Variants in SLC24A3 observed in about 807,000 individuals in gnomAD.
SLC24A3 encodes the protein solute carrier family 24 member 3.
In SLC24A3, 28 loss-of-function variants were observed where a neutral mutation model predicts 75.8. That is an observed-to-expected ratio of 0.37 (90% confidence interval 0.27 to 0.51). SLC24A3 has a LOEUF of 0.51. SLC24A3 is among the 20% of genes least tolerant of loss of function. The pLI is 0.94. For synonymous variants in SLC24A3, 372 were observed against 334.1 expected (o/e 1.11, Z -1.24); for missense variants, 663 against 847.8 (o/e 0.78, Z 2.71).
intron 2 of SLC24A3, among the ~76,000 whole-genome samples, chr20:19,474,297 C>T (rs1987925363): frequency 6.6e-6 from 1 of 152,176 alleles, no homozygotes; most frequent in Non-Finnish European, 1.5e-5. Flanking sequence ...CTTCCCTGTG[C>T]CTGGTATCCA....
intron 9 of SLC24A3, 39 bp downstream of exon 9, chr20:19,673,693 T>C: frequency 6.5e-7 from 1 of 1,544,444 alleles, no homozygotes; most frequent in Non-Finnish European, 9.0e-7. Flanking sequence ...AAACTGTTTC[T>C]TGCATTCCAC....
intron 3 of SLC24A3, among the ~76,000 whole-genome samples, chr20:19,542,323 C>T (rs999200020): frequency 3.9e-5 from 6 of 152,144 alleles, no homozygotes; most frequent in Non-Finnish European, 5.9e-5. Context: ...AGCTGCTGGT[C>T]GTCATTTTGA....
intron 12 of SLC24A3, among the ~76,000 whole-genome samples, chr20:19,687,031 T>C (rs2032684391): frequency 6.6e-6 from 1 of 152,224 alleles, no homozygotes; most frequent in Non-Finnish European, 1.5e-5. Context: ...TGTTGCTGCA[T>C]AACAAAATGC....
chr20:19,408,406 T>C (rs905209259), intron 2 of SLC24A3, among the ~76,000 whole-genome samples: 49 of 151,816 alleles, frequency 3.2e-4, no homozygotes, highest in African/African-American at 1.2e-3. Context: ...TTTTTTTTTT[T>C]TGAGACAGAG....
chr20:19,603,026 G>A (rs1278658973), intron 6 of SLC24A3, among the ~76,000 whole-genome samples: 1 of 152,198 alleles, frequency 6.6e-6, no homozygotes, highest in African/African-American at 2.4e-5. Flanking sequence ...AAACAAGTCA[G>A]GGTTTCAGTC....
intron 2 of SLC24A3, among the ~76,000 whole-genome samples, chr20:19,508,817 C>G (rs1009727491): frequency 2.0e-5 from 3 of 152,258 alleles, no homozygotes; most frequent in African/African-American, 7.2e-5. Flanking sequence ...CTGCTCCGTT[C>G]TCCCTGCATA....
chr20:19,361,786 A>T (rs1453087980), intron 2 of SLC24A3, among the ~76,000 whole-genome samples: 1 of 152,206 alleles, frequency 6.6e-6, no homozygotes, highest in African/African-American at 2.4e-5. Context: ...TTTGTGAAAA[A>T]ACAAGTATTT....
At chr20:19,454,882 T>A (rs1172465753) in intron 2 of SLC24A3, among the ~76,000 whole-genome samples, 3 of 152,266 alleles carry the variant, frequency 2.0e-5, no homozygotes, top group Admixed American at 2.0e-4. Flanking sequence ...TATTTTCTAG[T>A]TTTCATCAGT....
intron 3 of SLC24A3, among the ~76,000 whole-genome samples, chr20:19,567,136 G>A (rs921222319): frequency 2.6e-5 from 4 of 152,152 alleles, no homozygotes; most frequent in Non-Finnish European, 4.4e-5. Flanking sequence ...CTTATCATTC[G>A]ACCTAGCAAT....
chr20:19,692,537 TTTGAAG>T (rs1221663959), intron 12 of SLC24A3, among the ~76,000 whole-genome samples: 2 of 152,180 alleles, frequency 1.3e-5, no homozygotes, highest in African/African-American at 4.8e-5. Flanking sequence ...TATGGTTTTA[TTTGAAG>T]TTGGAGAACA....
At chr20:19,586,589 G>A (rs775925266) in intron 6 of SLC24A3, among the ~76,000 whole-genome samples, 14 of 152,166 alleles carry the variant, frequency 9.2e-5, no homozygotes, top group South Asian at 2.1e-4. Context: ...CATGCTGCCC[G>A]TTCCACTGAT....
rs2122741906 is a variant in SLC24A3, at chr20:19,684,304, C to T, written c.1030C>T (p.Leu344Phe). ...ITSHFPPKTR[L>F]SMASRMLINE... is the part of the protein sequence containing the mutation. ...CAGCCACTTTCCCCCCAAGACCCGG[C>T]TCTCCATGGCCAGTCGCATGTTGAT... The change falls in exon 11 of 17, where the codon CTC becomes TTC. Residue 344 changes from leucine (L) to phenylalanine (F), a missense_variant. Transcript: ENST00000328041. The T allele has an allele frequency of 6.2e-7, 1 of 1,614,100 alleles. No individual in the cohort carries two copies. Among genetic ancestry groups the T allele is most frequent in the Non-Finnish European group, 8.5e-7 (1 of 1,180,014 alleles).
intron 3 of SLC24A3, among the ~76,000 whole-genome samples, chr20:19,536,159 A>G (rs1011049511): frequency 1.3e-5 from 2 of 152,272 alleles, no homozygotes; most frequent in Admixed American, 1.3e-4. Flanking sequence ...CCACCCCTCA[A>G]TCCACTCCTC....
At chr20:19,597,691 G>GTGT (rs1167864003) in intron 6 of SLC24A3, among the ~76,000 whole-genome samples, 1 of 152,048 alleles carries the variant, frequency 6.6e-6, no homozygotes, top group African/African-American at 2.4e-5. Flanking sequence ...TTGTATGTTT[G>GTGT]TACCCATTAA....
At position 19,219,256 on chromosome 20, in the gene SLC24A3, C is replaced by T. The variant is rs6132177; in HGVS notation, c.142+6272C>T. 5.9e-5 allele frequency among the ~76,000 whole-genome samples: 9 copies of T among 152,206 alleles called. No individual in the cohort carries two copies. The East Asian group carries it at 1.7e-3, about 29-fold the overall frequency. On this transcript the variant is annotated intron_variant, in intron 1 of 16. Transcript: ENST00000328041. Reference sequence around the variant, plus strand: ...CTAGTCCCGGACGGCCCACACTATCCCTTATTGGTTTCCCAGCCCTACTCT... The same window carrying T: ...CTAGTCCCGGACGGCCCACACTATCTCTTATTGGTTTCCCAGCCCTACTCT...
At chr20:19,347,554 T>C (rs1300265684) in intron 2 of SLC24A3, among the ~76,000 whole-genome samples, 2 of 152,228 alleles carry the variant, frequency 1.3e-5, no homozygotes, top group Admixed American at 1.3e-4. Flanking sequence ...TTAAGGTCTA[T>C]TGACAAATGA....
At chr20:19,390,886 A>C (rs1986354017) in intron 2 of SLC24A3, among the ~76,000 whole-genome samples, 1 of 152,156 alleles carries the variant, frequency 6.6e-6, no homozygotes, top group African/African-American at 2.4e-5. Context: ...CCAGCCTTGC[A>C]CTAGGTGGTC....
intron 1 of SLC24A3, among the ~76,000 whole-genome samples, chr20:19,239,440 C>A (rs150584028): frequency 3.3e-4 from 50 of 152,358 alleles, no homozygotes; most frequent in Non-Finnish European, 6.6e-4. Flanking sequence ...ACAGGGCTCG[C>A]TGCTCACCTG....
intron 3 of SLC24A3, among the ~76,000 whole-genome samples, chr20:19,554,193 G>A (rs1452551502): frequency 1.3e-5 from 2 of 152,124 alleles, no homozygotes; most frequent in African/African-American, 4.8e-5. Context: ...CAAACAGGAG[G>A]AGAAAGAAAG....
Sources: allele counts gnomAD v4.1 joint callset (sites outside exome capture counted in the v4.1 genomes callset), GRCh38; gene constraint gnomAD v4.1.1; transcripts MANE v1.5; gene names NCBI Gene and HGNC (gene_info 2026-07-23, HGNC 2026-07-21).